PASK: variants seen among roughly 807,000 people sequenced by gnomAD.
PASK encodes the protein PAS domain-containing serine/threonine-protein kinase.
PASK carries 110 observed loss-of-function variants against 121.0 expected under a neutral mutation model. The ratio of observed to expected loss-of-function variants is 0.91; its 90% CI spans 0.78 to 1.06. The LOEUF (loss-of-function observed/expected upper bound fraction) is 1.06, where lower values mean the gene tolerates loss of function less well. Ranked by LOEUF, PASK falls within the 50% of genes least tolerant of loss-of-function variation. The probability of loss-of-function intolerance (pLI) is 0.00; values close to 1 mark genes in which losing one functional copy is unlikely to be tolerated. For missense variants in PASK, 1,643 were observed against 1,702.3 expected (o/e 0.97, Z 0.61); for synonymous variants, 686 against 717.8 (o/e 0.96, Z 0.71).
intron 9 of PASK, among the ~76,000 whole-genome samples, chr2:241,130,273 G>A (rs1023386486): frequency 6.6e-6 from 1 of 152,232 alleles, no homozygotes; most frequent in Non-Finnish European, 1.5e-5. Flanking sequence ...AACTGCACTA[G>A]CTGTGCAGTG....
At position 241,142,885 on chromosome 2, in the gene PASK, TGCTCAGGTGTCTGTGG is replaced by T; in HGVS notation, c.132_147del (p.His45GlufsTer113). On this transcript the variant is annotated frameshift_variant, in exon 2 of 18. Transcript: ENST00000234040. LOFTEE classifies it high-confidence loss of function. Reference sequence around the variant, plus strand: ...CAGAGTCTGGAAAGCCCATTCCTTCTGCTCAGGTGTCTGTGGGCTGAGGAAAACGACCTGCTGGGCT... The same window carrying T: ...CAGAGTCTGGAAAGCCCATTCCTTCTGCTGAGGAAAACGACCTGCTGGGCT... 1.9e-6 allele frequency: 3 copies of T among 1,614,124 alleles called. No homozygotes were observed. The highest frequency in any genetic ancestry group is 2.5e-6 in the Non-Finnish European group (3 of 1,180,002).
Position 241,112,699 on chromosome 2 carries a change from T to G in PASK, c.3334-260A>C. 2.3e-6 allele frequency: 1 copy of G among 443,230 alleles called. No homozygotes were observed. Among genetic ancestry groups the G allele is most frequent in the East Asian group, 4.8e-5 (1 of 21,038 alleles). 27.5% of individuals were successfully genotyped at this position (443,230 alleles called of 1,614,324 possible). A position where few individuals can be genotyped will look rare whatever the true frequency, so the allele number is the denominator to read the frequency against. On this transcript the variant is annotated intron_variant, in intron 14 of 17. Coordinates refer to ENST00000234040, the MANE Select transcript of PASK (RefSeq NM_015148.4). The surrounding 1 kb of genome is among the most constrained non-coding windows in gnomAD (Gnocchi z 5.2). ...CATCAATGAGACTCGTGAGTTCTGTTTGCTGCTGAGAAAAGCTTCCCAGCA... is the reference window on the plus strand; with the variant it reads ...CATCAATGAGACTCGTGAGTTCTGTGTGCTGCTGAGAAAAGCTTCCCAGCA...
At chr2:241,147,964 T>C (rs2067043918) in intron 1 of PASK, among the ~76,000 whole-genome samples, 1 of 152,196 alleles carries the variant, frequency 6.6e-6, no homozygotes, top group Non-Finnish European at 1.5e-5. Context: ...CTGAACAGCA[T>C]AGGCCCCTGG....
chr2:241,143,631 G>T (rs976797295), intron 1 of PASK, among the ~76,000 whole-genome samples: 1 of 151,882 alleles, frequency 6.6e-6, no homozygotes, highest in Non-Finnish European at 1.5e-5. Flanking sequence ...GAGAGAGAGA[G>T]GAAAACAAAG....
At chr2:241,137,305 C>T (rs775149149) in intron 6 of PASK, 41 bp from the exon 7 acceptor site, 29 of 1,584,154 alleles carry the variant, frequency 1.8e-5, no homozygotes, top group South Asian at 1.8e-4. Context: ...CCGTGTTTCA[C>T]GTGGACAGAG....
chr2:241,132,087 A>G (rs1312598403), intron 9 of PASK, among the ~76,000 whole-genome samples: 1 of 151,978 alleles, frequency 6.6e-6, no homozygotes, highest in Non-Finnish European at 1.5e-5. Context: ...CCGAAGAAGA[A>G]AATGGGTTAA....
chr2:241,112,629 AG>A lies in PASK; in HGVS notation c.3334-191del. 2 of 569,676 alleles carry A rather than the reference AG, an allele frequency of 3.5e-6. No homozygotes were observed. The highest frequency in any genetic ancestry group is 6.2e-6 in the Non-Finnish European group (2 of 320,838). 35.3% of individuals were successfully genotyped at this position (569,676 alleles called of 1,614,324 possible). On this transcript the variant is annotated intron_variant, in intron 14 of 17. Transcript: ENST00000234040. This position sits in a 1 kb window ranked among gnomAD's most constrained non-coding sequence, Gnocchi z 5.2. The stretch of plus-strand genomic sequence containing the variant: ...CAAACAGGAAACAAAGCCCTTCAGG[AG>A]GCGTGTTCACTGGGGATGGCCACGT...
chr2:241,111,809 C>T (rs74890219), intron 15 of PASK, among the ~76,000 whole-genome samples: 13,528 of 152,248 alleles, frequency 0.089, 728 homozygotes, highest in African/African-American at 0.14. Flanking sequence ...ACCTTCAGCA[C>T]GAATCCTCTG....
chr2:241,131,495 A>G (rs2066131018), intron 9 of PASK, among the ~76,000 whole-genome samples: 1 of 152,168 alleles, frequency 6.6e-6, no homozygotes, highest in African/African-American at 2.4e-5. Flanking sequence ...ATATGTATCT[A>G]TTACATATTT....
intron 12 of PASK, among the ~76,000 whole-genome samples, chr2:241,117,891 C>A (rs2065443291): frequency 6.6e-6 from 1 of 151,842 alleles, no homozygotes; most frequent in African/African-American, 2.4e-5. Context: ...TATATTCTAG[C>A]AAATGAAAAA....
chr2:241,106,734 A>G lies in PASK; in HGVS notation c.3815-11T>C, dbSNP rs2064898941. On this transcript the variant is annotated splice_polypyrimidine_tract_variant and intron_variant, in intron 17 of 17. Transcript: ENST00000234040. ...ACAGAACTCCACTTTCTGAAGAAACAAGAAGGTAACTGTATCACGTGCTAA... is the reference window on the plus strand; with the variant it reads ...ACAGAACTCCACTTTCTGAAGAAACGAGAAGGTAACTGTATCACGTGCTAA... The G allele has an allele frequency of 1.2e-6, 2 of 1,613,734 alleles. No individual in the cohort carries two copies. Among genetic ancestry groups the G allele is most frequent in the East Asian group, 4.5e-5 (2 of 44,886 alleles).
intron 1 of PASK, among the ~76,000 whole-genome samples, chr2:241,149,057 G>T (rs373771269): frequency 6.6e-6 from 1 of 152,148 alleles, no homozygotes; most frequent in African/African-American, 2.4e-5. Context: ...TGGTTCTCCT[G>T]GAGCTCGCCC....
In PASK at chr2:241,108,455, A is replaced by G. The variant is rs78291549; in HGVS notation, c.3534-155T>C. ...ACTCCACCCCTCAAACACGCCCTCC[A>G]TTTCCACGCACTTCTGCCCCAGGCC... On this transcript the variant is annotated intron_variant, in intron 15 of 17. Transcript: ENST00000234040. This position sits in a 1 kb window ranked among gnomAD's most constrained non-coding sequence, Gnocchi z 5.2. The G allele has an allele frequency of 4.9e-3, 3,693 of 749,426 alleles. 93 individuals are homozygous for G. In the African/African-American group the frequency reaches 0.058, roughly 12 times the overall value. 46.4% of individuals were successfully genotyped at this position (749,426 alleles called of 1,614,324 possible).
Position 241,126,845 on chromosome 2 carries a change from G to C in PASK, c.2070C>G (p.Val690=). 1 of 1,612,810 alleles carries C rather than the reference G, an allele frequency of 6.2e-7. No homozygotes were observed. Among genetic ancestry groups the C allele is most frequent in the African/African-American group, 1.3e-5 (1 of 75,014 alleles). ...GATCGCAGGACGACACAGGAGCGGT[G>C]ACAGCCTGGCACTCTGTCGGAACGA... is the stretch of plus-strand genomic sequence containing the variant. ...AELVPTECQA[V]TAPVSSCDLG... The change falls in exon 10 of 18, where the codon GTC becomes GTG. Residue 690 remains valine, a synonymous_variant. Coordinates refer to ENST00000234040, the MANE Select transcript of PASK (RefSeq NM_015148.4).
upstream of PASK, chr2:241,149,583 G>T: frequency 6.9e-7 from 1 of 1,447,394 alleles, no homozygotes; most frequent in Non-Finnish European, 9.3e-7. Flanking sequence ...CTAGAAGCCC[G>T]CGCTAAGGGT....
intron 8 of PASK, chr2:241,134,816 GC>G (rs1362407213): frequency 7.0e-6 from 1 of 142,524 alleles, no homozygotes; most frequent in Non-Finnish European, 1.6e-5. Context: ...TGACACCCCT[GC>G]CACACCATCA....
chr2:241,141,320 CT>C (rs1415345686), intron 2 of PASK, among the ~76,000 whole-genome samples: 2 of 152,150 alleles, frequency 1.3e-5, no homozygotes, highest in Non-Finnish European at 2.9e-5. Context: ...TCAAAGGTTC[CT>C]TCCTTCCCAC....
At chr2:241,120,063 A>C (rs1575258031) in intron 12 of PASK, among the ~76,000 whole-genome samples, 1 of 152,266 alleles carries the variant, frequency 6.6e-6, no homozygotes, top group African/African-American at 2.4e-5. Flanking sequence ...GCTTCAAATG[A>C]AACATCAAGA....
At position 241,135,952 on chromosome 2, in the gene PASK, G is replaced by A. The variant is rs2066401961; in HGVS notation, c.1225C>T (p.Leu409=). 1 of 1,614,214 alleles carries A rather than the reference G, an allele frequency of 6.2e-7. No individual in the cohort carries two copies. The highest frequency in any genetic ancestry group is 8.5e-7 in the Non-Finnish European group (1 of 1,180,000). ...CACCCACTCTCATTGCCGACGTCCA[G>A]GCAGCTGGCCAGGTCTGGGAGCTGT... ...SLQLPDLASC[L]DVGNESGCGE... The change falls in exon 8 of 18, where the codon CTG becomes TTG. Residue 409 remains leucine, a synonymous_variant. Coordinates refer to ENST00000234040, the MANE Select transcript of PASK (RefSeq NM_015148.4).
Sources: gnomAD v4.1 joint callset for allele counts (sites outside exome capture counted in the v4.1 genomes callset) on GRCh38, gnomAD v4.1.1 for gene constraint, Gnocchi (gnomAD v3.1) non-coding constraint, MANE v1.5 for transcripts, NCBI Gene and HGNC (gene_info 2026-07-23, HGNC 2026-07-21) for gene names.